Variants in OR10J1 observed in about 807,000 individuals in gnomAD.
OR10J1 encodes the protein olfactory receptor family 10 subfamily J member 1.
For missense variants in OR10J1, 474 were observed against 376.6 expected (o/e 1.26, Z -2.14); for synonymous variants, 202 against 143.8 (o/e 1.40, Z -2.89).
the OR10J1 span, among the ~76,000 whole-genome samples, chr1:159,421,921 C>T: frequency 3.5e-4 from 53 of 152,082 alleles, no homozygotes; most frequent in Non-Finnish European, 1.0e-4. Context: ...TGGGCAGGTT[C>T]TTAAGCACCT....
At chr1:159,419,922 G>A in the OR10J1 span, among the ~76,000 whole-genome samples, 2 of 152,062 alleles carry the variant, frequency 1.3e-5, no homozygotes, top group Admixed American at 6.6e-5. Context: ...TGAAAGTAGG[G>A]CGTTGAAGTC....
the OR10J1 span, among the ~76,000 whole-genome samples, chr1:159,398,183 G>A: frequency 5.3e-5 from 8 of 152,190 alleles, no homozygotes; most frequent in Admixed American, 2.6e-4. Context: ...AAGAACGGCA[G>A]CATTATTGGG....
Position 159,440,487 on chromosome 1 carries a change from C to G in OR10J1, c.696C>G (p.Gly232=). Residue 232 remains glycine, a synonymous_variant, in exon 1 of 1, where the codon GGC becomes GGG. Coordinates refer to ENST00000423932, the MANE Select transcript of OR10J1 (RefSeq NM_012351.3). The part of the protein sequence containing the change: ...STILKIASVE[G]RKKAFATCAS... ...TCCTCAAGATTGCTTCAGTTGAGGG[C>G]CGGAAGAAGGCTTTTGCCACCTGTG... 6.2e-7 allele frequency: 1 copy of G among 1,614,062 alleles called. No individual in the cohort carries two copies. The highest frequency in any genetic ancestry group is 1.1e-5 in the South Asian group (1 of 91,066).
At chr1:159,438,851 C>A (rs1443378303), upstream of OR10J1, among the ~76,000 whole-genome samples, 1 of 152,150 alleles carries the variant, frequency 6.6e-6, no homozygotes, top group Non-Finnish European at 1.5e-5. Flanking sequence ...CTTCCTTCAA[C>A]AAAATGATGT....
the OR10J1 span, among the ~76,000 whole-genome samples, chr1:159,420,715 T>A: frequency 6.6e-6 from 1 of 152,074 alleles, no homozygotes; most frequent in South Asian, 2.1e-4. Context: ...GCACTTTGAA[T>A]ACATCATACT....
chr1:159,433,080 G>A, upstream of OR10J1: 1 of 447,740 alleles, frequency 2.2e-6, no homozygotes, highest in Non-Finnish European at 4.0e-6. Flanking sequence ...TACAGCCTGA[G>A]GAACAAAGAG....
chr1:159,433,270 C>G (rs1655637425), upstream of OR10J1: 1 of 396,238 alleles, frequency 2.5e-6, no homozygotes. Context: ...ATCTATTCCC[C>G]TCATAGATTG....
the OR10J1 span, among the ~76,000 whole-genome samples, chr1:159,431,946 G>A: frequency 6.6e-6 from 1 of 152,062 alleles, no homozygotes; most frequent in Admixed American, 6.5e-5. Flanking sequence ...ACATTGAAGG[G>A]CATCTGTACT....
chr1:159,425,227 C>A, the OR10J1 span, among the ~76,000 whole-genome samples: 1 of 152,066 alleles, frequency 6.6e-6, no homozygotes, highest in South Asian at 2.1e-4. Context: ...TGAAGAGGTT[C>A]TCCATCAAAA....
chr1:159,420,299 A>C, the OR10J1 span, among the ~76,000 whole-genome samples: 3 of 152,120 alleles, frequency 2.0e-5, no homozygotes, highest in African/African-American at 4.8e-5. Context: ...TTTAAGTGGG[A>C]AGTTCAATGT....
chr1:159,405,011 G>A, the OR10J1 span, among the ~76,000 whole-genome samples: 1 of 152,082 alleles, frequency 6.6e-6, no homozygotes, highest in Non-Finnish European at 1.5e-5. Flanking sequence ...AAGACATGAG[G>A]TAGCACTATC....
the OR10J1 span, among the ~76,000 whole-genome samples, chr1:159,397,810 T>A: frequency 6.6e-6 from 1 of 152,198 alleles, no homozygotes; most frequent in African/African-American, 2.4e-5. Flanking sequence ...TGGACCCACC[T>A]GGGGCTTGAG....
the OR10J1 span, among the ~76,000 whole-genome samples, chr1:159,415,210 A>G: frequency 6.6e-6 from 1 of 152,090 alleles, no homozygotes; most frequent in Admixed American, 6.6e-5. Flanking sequence ...TGGGTCTTAC[A>G]TTCAAGTCTT....
At chr1:159,409,342 C>G in the OR10J1 span, among the ~76,000 whole-genome samples, 3 of 152,070 alleles carry the variant, frequency 2.0e-5, no homozygotes, top group Non-Finnish European at 4.4e-5. Flanking sequence ...CCGATTAAAC[C>G]CATCTCCGCT....
upstream of OR10J1, chr1:159,439,616 A>G: frequency 1.4e-6 from 1 of 740,354 alleles, no homozygotes; most frequent in Non-Finnish European, 2.2e-6. Flanking sequence ...CAGAGTAAAA[A>G]TATTTTAAGT....
At chr1:159,422,704 C>T in the OR10J1 span, among the ~76,000 whole-genome samples, 2 of 152,292 alleles carry the variant, frequency 1.3e-5, no homozygotes, top group South Asian at 4.1e-4. Context: ...AGCATGAGCT[C>T]CCTCTAGAGC....
chr1:159,404,369 G>A, the OR10J1 span, among the ~76,000 whole-genome samples: 2 of 152,146 alleles, frequency 1.3e-5, no homozygotes, highest in South Asian at 2.1e-4. Context: ...AAAGGAACTA[G>A]GCACCTATTG....
At chr1:159,413,877 TA>T in the OR10J1 span, among the ~76,000 whole-genome samples, 16,412 of 151,660 alleles carry the variant, frequency 0.11, 1,135 homozygotes, top group East Asian at 0.23. Context: ...TAAATAAAAA[TA>T]AAAAAATATA....
At chr1:159,424,343 G>T in the OR10J1 span, among the ~76,000 whole-genome samples, 1 of 150,878 alleles carries the variant, frequency 6.6e-6, no homozygotes, top group African/African-American at 2.4e-5. Flanking sequence ...ACATACATAT[G>T]ATTTAAATGC....
Sources: allele counts gnomAD v4.1 joint callset (sites outside exome capture counted in the v4.1 genomes callset), GRCh38; gene constraint gnomAD v4.1.1; transcripts MANE v1.5; gene names NCBI Gene and HGNC (gene_info 2026-07-23, HGNC 2026-07-21).